Variants in SUGCT observed in about 807,000 individuals in gnomAD.
The protein encoded by SUGCT is succinyl-CoA:glutarate-CoA transferase, also known as succinyl-CoA:glutarate CoA-transferase.
In SUGCT, 41 loss-of-function variants were observed where a neutral mutation model predicts 55.0. The ratio of observed to expected loss-of-function variants is 0.74; its 90% confidence interval spans 0.58 to 0.97. The LOEUF is 0.97. Ranked by LOEUF, SUGCT falls within the 50% of genes least tolerant of loss-of-function variation. SUGCT has a pLI of 0.00. For synonymous variants in SUGCT, 187 were observed against 200.4 expected (o/e 0.93, Z 0.56); for missense variants, 568 against 547.8 (o/e 1.04, Z -0.37).
chr7:41,008,687 C>T, the SUGCT span, among the ~76,000 whole-genome samples: 2 of 147,440 alleles, frequency 1.4e-5, no homozygotes, highest in Non-Finnish European at 3.0e-5. Flanking sequence ...GAGTGAGATG[C>T]CAGTTTCCCT....
chr7:40,298,548 G>A (rs1321767094), intron 8 of SUGCT, among the ~76,000 whole-genome samples: 1 of 152,088 alleles, frequency 6.6e-6, no homozygotes, highest in Non-Finnish European at 1.5e-5. Flanking sequence ...AGACTGATAT[G>A]TGCAATCATT....
the SUGCT span, among the ~76,000 whole-genome samples, chr7:41,034,004 C>A: frequency 6.6e-6 from 1 of 152,142 alleles, no homozygotes; most frequent in Non-Finnish European, 1.5e-5. Context: ...GTTTCTGTCT[C>A]CACAGAGGTA....
In SUGCT at chr7:40,380,894, A is replaced by G. The variant is rs140021584; in HGVS notation, c.816+64039A>G. 3.0e-4 allele frequency among the ~76,000 whole-genome samples: 46 copies of G among 152,268 alleles called. No individual in the cohort carries two copies. The East Asian group carries it at 8.7e-3, about 29-fold the overall frequency. The stretch of plus-strand genomic sequence containing the variant: ...GTTTACTGTCTTTTTTTGAAATCAT[A>G]CAGGATTATTCACTGTGAAATCAAA... On this transcript the variant is annotated intron_variant, in intron 9 of 13. Coordinates refer to ENST00000335693, the MANE Select transcript of SUGCT (RefSeq NM_001193313.2).
chr7:40,592,546 T>C (rs1291154034), intron 12 of SUGCT, among the ~76,000 whole-genome samples: 1 of 152,192 alleles, frequency 6.6e-6, no homozygotes, highest in African/African-American at 2.4e-5. Context: ...GCAAGATTGC[T>C]AATCTAGGGA....
intron 6 of SUGCT, among the ~76,000 whole-genome samples, chr7:40,198,421 G>A (rs1786408365): frequency 6.6e-6 from 1 of 152,158 alleles, no homozygotes; most frequent in Non-Finnish European, 1.5e-5. Flanking sequence ...TCTTTCGCTT[G>A]TTAATTTTAT....
the SUGCT span, among the ~76,000 whole-genome samples, chr7:40,940,090 A>C: frequency 6.6e-6 from 1 of 152,100 alleles, no homozygotes; most frequent in Non-Finnish European, 1.5e-5. Context: ...ATTCTTCTAC[A>C]TGTGGCTACC....
chr7:40,630,875 C>T, intron 12 of SUGCT, among the ~76,000 whole-genome samples: 1 of 148,360 alleles, frequency 6.7e-6, no homozygotes, highest in East Asian at 2.0e-4. Context: ...TATATGAGAC[C>T]CACACACGGG....
At chr7:40,666,444 T>TTTTTTTTGG (rs1584239846) in intron 12 of SUGCT, among the ~76,000 whole-genome samples, 1 of 146,682 alleles carries the variant, frequency 6.8e-6, no homozygotes, top group Non-Finnish European at 1.5e-5. Context: ...TTTTTTTTTT[T>TTTTTTTTGG]GGTGGGTGGA....
chr7:40,942,528 C>T, the SUGCT span, among the ~76,000 whole-genome samples: 2 of 152,098 alleles, frequency 1.3e-5, no homozygotes, highest in Non-Finnish European at 2.9e-5. Context: ...AATTTGATGA[C>T]TATATAGCTT....
intron 7 of SUGCT, among the ~76,000 whole-genome samples, chr7:40,261,524 A>T (rs577327852): frequency 6.6e-6 from 1 of 152,322 alleles, no homozygotes; most frequent in South Asian, 2.1e-4. Flanking sequence ...GTAGACAAAC[A>T]CGGAGGAAAC....
chr7:40,237,425 C>G (rs937006826), intron 6 of SUGCT, among the ~76,000 whole-genome samples: 1 of 151,908 alleles, frequency 6.6e-6, no homozygotes. Flanking sequence ...CCCTGCTCGA[C>G]GGGAACGAGA....
intron 13 of SUGCT, among the ~76,000 whole-genome samples, chr7:40,774,945 CA>C (rs559101985): frequency 1.3e-5 from 2 of 151,764 alleles, no homozygotes; most frequent in Non-Finnish European, 2.9e-5. Flanking sequence ...CAACAGTGAC[CA>C]AAAAAACCTC....
chr7:40,395,741 A>G (rs1353712436), intron 9 of SUGCT, among the ~76,000 whole-genome samples: 6 of 152,222 alleles, frequency 3.9e-5, no homozygotes, highest in East Asian at 3.9e-4. Flanking sequence ...AAGGAAAACT[A>G]TGGCAACAGG....
chr7:40,836,155 T>TA (rs1792964934), intron 13 of SUGCT, among the ~76,000 whole-genome samples: 1 of 152,096 alleles, frequency 6.6e-6, no homozygotes, highest in Non-Finnish European at 1.5e-5. Context: ...CAACTCAGCC[T>TA]CCTAAAACTC....
intron 12 of SUGCT, among the ~76,000 whole-genome samples, chr7:40,553,623 A>C (rs1172879777): frequency 1.3e-5 from 2 of 152,230 alleles, no homozygotes; most frequent in African/African-American, 4.8e-5. Context: ...ACTGATAATC[A>C]TTAACTGATA....
chr7:40,929,542 A>G, the SUGCT span, among the ~76,000 whole-genome samples: 2 of 152,206 alleles, frequency 1.3e-5, no homozygotes, highest in Non-Finnish European at 2.9e-5. Context: ...TCCCACCAAC[A>G]GTGTAAAAGT....
At chr7:41,029,162 T>G in the SUGCT span, among the ~76,000 whole-genome samples, 2 of 152,132 alleles carry the variant, frequency 1.3e-5, no homozygotes, top group African/African-American at 4.8e-5. Context: ...CTACATGCAG[T>G]GCGATGACCT....
At chr7:40,676,396 G>C (rs900417438) in intron 12 of SUGCT, among the ~76,000 whole-genome samples, 3 of 151,954 alleles carry the variant, frequency 2.0e-5, no homozygotes, top group African/African-American at 7.3e-5. Flanking sequence ...TCAATTCATG[G>C]GCTAAATAGG....
At chr7:40,650,632 G>A (rs753331669) in intron 12 of SUGCT, among the ~76,000 whole-genome samples, 5 of 150,840 alleles carry the variant, frequency 3.3e-5, no homozygotes, top group Non-Finnish European at 5.9e-5. Flanking sequence ...TTGGTATTTA[G>A]TGTTGCAAAG....
Sources: gnomAD v4.1 joint callset for allele counts (sites outside exome capture counted in the v4.1 genomes callset) on GRCh38, gnomAD v4.1.1 for gene constraint, MANE v1.5 for transcripts, NCBI Gene and HGNC (gene_info 2026-07-23, HGNC 2026-07-21) for gene names.